The following COL19A1 variants were observed in gnomAD, a reference collection of about 807,000 sequenced individuals.
COL19A1 encodes the protein collagen alpha-1(XIX) chain.
In COL19A1, 159 loss-of-function variants were observed where a neutral mutation model predicts 190.2. The observed-to-expected ratio is 0.84, with a 90% CI of 0.73 to 0.95. COL19A1 has a LOEUF of 0.95. Ranked by LOEUF, COL19A1 falls within the 40% of genes least tolerant of loss-of-function variation. The probability of loss-of-function intolerance (pLI) is 0.00; values close to 1 mark genes in which losing one functional copy is unlikely to be tolerated. For synonymous variants in COL19A1, 509 were observed against 458.9 expected (o/e 1.11, Z -1.39); for missense variants, 1,418 against 1,431.9 (o/e 0.99, Z 0.16).
intron 34 of COL19A1, 93 bp from the exon 35 acceptor site, chr6:70,161,807 T>G (rs1787824819): frequency 2.5e-6 from 2 of 791,380 alleles, no homozygotes; most frequent in Admixed American, 2.7e-5. Context: ...GCTAAATAAG[T>G]GTTTAATGTT....
At chr6:70,033,883 C>T (rs541703277) in intron 12 of COL19A1, among the ~76,000 whole-genome samples, 1 of 152,120 alleles carries the variant, frequency 6.6e-6, no homozygotes, top group South Asian at 2.1e-4. Context: ...TTAACAAAGG[C>T]CAAATCAATG....
intron 14 of COL19A1, among the ~76,000 whole-genome samples, chr6:70,066,201 A>G (rs1035940603): frequency 5.3e-5 from 8 of 152,208 alleles, no homozygotes; most frequent in Non-Finnish European, 1.2e-4. Flanking sequence ...AACCAACCCA[A>G]ATGTCCAACA....
At chr6:69,905,400 A>T (rs571311448) in intron 4 of COL19A1, among the ~76,000 whole-genome samples, 1 of 152,256 alleles carries the variant, frequency 6.6e-6, no homozygotes, top group Non-Finnish European at 1.5e-5. Flanking sequence ...AGCTACATGG[A>T]CAGCTCTCCC....
At chr6:70,100,532 ATTT>A (rs35019848) in intron 15 of COL19A1, among the ~76,000 whole-genome samples, 121 of 107,118 alleles carry the variant, frequency 1.1e-3, no homozygotes, top group African/African-American at 3.4e-3. Flanking sequence ...TGTGTTTTTA[ATTT>A]TTTTTTTTTT....
chr6:69,893,851 T>A (rs1769534525), intron 2 of COL19A1, among the ~76,000 whole-genome samples: 1 of 152,196 alleles, frequency 6.6e-6, no homozygotes, highest in African/African-American at 2.4e-5. Flanking sequence ...TCCACAATCC[T>A]TTATCTTAGC....
chr6:69,900,180 G>T, intron 3 of COL19A1, 59 bp from the exon 4 acceptor site: 2 of 1,144,960 alleles, frequency 1.7e-6, no homozygotes, highest in Non-Finnish European at 2.5e-6. Flanking sequence ...ACAAAATTCT[G>T]TTTAGAAATT....
chr6:69,922,485 T>G (rs1014217883), intron 4 of COL19A1, among the ~76,000 whole-genome samples: 1 of 145,434 alleles, frequency 6.9e-6, no homozygotes, highest in Non-Finnish European at 1.5e-5. Context: ...AGGTTTTTTT[T>G]TTTTTTTTTT....
chr6:69,978,582 A>G (rs1386706947), intron 11 of COL19A1, among the ~76,000 whole-genome samples: 2 of 151,938 alleles, frequency 1.3e-5, no homozygotes, highest in Non-Finnish European at 1.5e-5. Context: ...GGACCATATC[A>G]AAAGCTATAA....
intron 1 of COL19A1, among the ~76,000 whole-genome samples, chr6:69,875,093 C>G (rs1249142741): frequency 6.6e-6 from 1 of 152,168 alleles, no homozygotes; most frequent in South Asian, 2.1e-4. Context: ...AAAATAATGT[C>G]TAAGCTAGAG....
chr6:70,092,477 T>G (rs1782991680), intron 15 of COL19A1, among the ~76,000 whole-genome samples: 1 of 152,194 alleles, frequency 6.6e-6, no homozygotes, highest in African/African-American at 2.4e-5. Context: ...AGTAAATTTC[T>G]GCCAAATAAA....
At position 70,201,633 on chromosome 6, in the gene COL19A1, G is replaced by A. The variant is rs564579774; in HGVS notation, c.3223+1897G>A. On this transcript the variant is annotated intron_variant, in intron 49 of 50. Coordinates refer to ENST00000620364, the MANE Select transcript of COL19A1 (RefSeq NM_001858.6). ...ACAGACATATCTTGACTACAACTTA[G>A]TATATGTCTCCTTAACCTTTACATA... Among the ~76,000 whole-genome samples, 142 of 152,242 alleles carry A rather than the reference G, an allele frequency of 9.3e-4. 1 individual carries two copies. The highest frequency in any genetic ancestry group is 3.3e-3 in the African/African-American group (136 of 41,538).
intron 16 of COL19A1, among the ~76,000 whole-genome samples, chr6:70,112,046 G>A (rs1784314585): frequency 6.6e-6 from 1 of 152,156 alleles, no homozygotes; most frequent in Admixed American, 6.6e-5. Flanking sequence ...CTTTTAAAGA[G>A]AATGAATGTT....
At chr6:69,921,601 TGTATATAGATTCGTATAC>T (rs1561999115) in intron 4 of COL19A1, among the ~76,000 whole-genome samples, 36 of 145,210 alleles carry the variant, frequency 2.5e-4, no homozygotes, top group African/African-American at 7.9e-4. Flanking sequence ...GATTCGTATA[TGTATATAGATTCGTATAC>T]GTATATAGAT....
At chr6:70,090,057 A>G (rs938295708) in intron 15 of COL19A1, among the ~76,000 whole-genome samples, 1 of 152,108 alleles carries the variant, frequency 6.6e-6, no homozygotes, top group Non-Finnish European at 1.5e-5. Context: ...ACATACCTGT[A>G]GTCCCAGCTA....
rs545294207 is a variant in COL19A1 at position 69,950,005 on chromosome 6, T to C, written c.937-9991T>C. Among the ~76,000 whole-genome samples, 36 of 151,996 alleles carry C rather than the reference T, an allele frequency of 2.4e-4. 1 individual carries two copies. The highest frequency in any genetic ancestry group is 1.9e-4 in the East Asian group (1 of 5,174). ...TGATTTATATTAATGGAGTGAAGCA[T>C]ATTCTGAGCAGTATGAAGTATTAAT... On this transcript the variant is annotated intron_variant, in intron 9 of 50. Transcript: ENST00000620364.
At chr6:70,144,893 A>G in intron 24 of COL19A1, 25 bp from the exon 25 acceptor site, 2 of 1,460,202 alleles carry the variant, frequency 1.4e-6, no homozygotes, top group South Asian at 2.5e-5. Flanking sequence ...GCATCAAAGT[A>G]AGAATCTTAC....
At chr6:69,967,046 C>T (rs888633278) in intron 11 of COL19A1, among the ~76,000 whole-genome samples, 4 of 152,198 alleles carry the variant, frequency 2.6e-5, no homozygotes, top group Non-Finnish European at 5.9e-5. Context: ...CACTCAAGTT[C>T]TAACTTGAAG....
chr6:69,876,371 A>C (rs1768128099), intron 1 of COL19A1, among the ~76,000 whole-genome samples: 1 of 152,156 alleles, frequency 6.6e-6, no homozygotes, highest in African/African-American at 2.4e-5. Context: ...GGTGAACATA[A>C]ATTTCTAGGC....
At chr6:69,881,063 A>G (rs1017301682) in intron 2 of COL19A1, among the ~76,000 whole-genome samples, 13 of 152,210 alleles carry the variant, frequency 8.5e-5, no homozygotes, top group African/African-American at 3.1e-4. Context: ...TGGTTCTCCA[A>G]TTTTAACATG....
Sources: allele counts gnomAD v4.1 joint callset (sites outside exome capture counted in the v4.1 genomes callset), GRCh38; gene constraint gnomAD v4.1.1; transcripts MANE v1.5; gene names NCBI Gene and HGNC (gene_info 2026-07-23, HGNC 2026-07-21).